CCDC73: variants seen among roughly 807,000 people sequenced by gnomAD.
The protein encoded by CCDC73 is coiled-coil domain containing 73.
In CCDC73, 95 loss-of-function variants were observed where a neutral mutation model predicts 116.5. The observed-to-expected ratio is 0.82, with a 90% CI of 0.69 to 0.97. The LOEUF (loss-of-function observed/expected upper bound fraction) is 0.97. Among genes scored for constraint, CCDC73 ranks in the 50% least tolerant of loss-of-function variants. The pLI, the probability that CCDC73 is intolerant of heterozygous loss-of-function variation, is 0.00. For synonymous variants in CCDC73, 398 were observed against 401.3 expected, an observed-to-expected ratio of 0.99 and a Z score of 0.10; for missense variants, 1,066 against 1,206.8, an observed-to-expected ratio of 0.88 and a Z score of 1.73.
intron 2 of CCDC73, among the ~76,000 whole-genome samples, chr11:32,724,190 C>A (rs1225611031): frequency 1.3e-5 from 2 of 151,830 alleles, no homozygotes; most frequent in Non-Finnish European, 2.9e-5. Context: ...CATTAATTAC[C>A]CAGTTTTCCC....
At chr11:32,753,572 C>T (rs1042297547) in intron 2 of CCDC73, among the ~76,000 whole-genome samples, 1 of 152,114 alleles carries the variant, frequency 6.6e-6, no homozygotes, top group African/African-American at 2.4e-5. Context: ...TCAAGTGATT[C>T]TTCTGCCTCA....
At chr11:32,753,342 G>C (rs1044679630) in intron 2 of CCDC73, among the ~76,000 whole-genome samples, 57 of 147,074 alleles carry the variant, frequency 3.9e-4, no homozygotes, top group African/African-American at 1.3e-3. Flanking sequence ...GTGTCACCCA[G>C]GCTGCAGTGC....
chr11:32,675,700 A>G, intron 8 of CCDC73, 56 bp from the exon 9 acceptor site: 1 of 1,385,560 alleles, frequency 7.2e-7, no homozygotes, highest in East Asian at 2.3e-5. Flanking sequence ...TTTCAAAGAA[A>G]GTATCATTAA....
At chr11:32,664,693 T>C (rs919554759) in intron 9 of CCDC73, among the ~76,000 whole-genome samples, 1 of 152,236 alleles carries the variant, frequency 6.6e-6, no homozygotes, top group Admixed American at 6.5e-5. Flanking sequence ...GCTACAATCT[T>C]AGTTATTTCT....
At chr11:32,829,198 C>T in the CCDC73 span, among the ~76,000 whole-genome samples, 1 of 152,212 alleles carries the variant, frequency 6.6e-6, no homozygotes, top group Admixed American at 6.5e-5. Context: ...ATAAAATGTA[C>T]ATACTGATAA....
intron 2 of CCDC73, among the ~76,000 whole-genome samples, chr11:32,734,561 G>T (rs894805855): frequency 5.3e-5 from 8 of 151,946 alleles, no homozygotes; most frequent in African/African-American, 1.9e-4. Context: ...CCTAGGCAGA[G>T]GACCCTGCAG....
At chr11:32,771,547 T>C (rs1332063253) in intron 1 of CCDC73, among the ~76,000 whole-genome samples, 2 of 152,184 alleles carry the variant, frequency 1.3e-5, no homozygotes, top group African/African-American at 2.4e-5. Context: ...CCACTGTGTA[T>C]TGAATGTGTA....
intron 16 of CCDC73, 128 bp downstream of exon 16, chr11:32,613,294 A>G: frequency 1.3e-6 from 1 of 770,878 alleles, no homozygotes; most frequent in South Asian, 2.1e-5. Flanking sequence ...ACAAAAGAAT[A>G]TTAAGTTGTT....
chr11:32,614,491 C>A lies in CCDC73; in HGVS notation c.1827G>T (p.Gly609=). 6.2e-7 allele frequency: 1 copy of A among 1,613,072 alleles called. No homozygotes were observed. The highest frequency in any genetic ancestry group is 8.5e-7 in the Non-Finnish European group (1 of 1,179,432). The change falls in exon 16 of 18, where the codon GGG becomes GGT. Residue 609 remains glycine, a synonymous_variant. Coordinates refer to ENST00000335185, the MANE Select transcript of CCDC73 (RefSeq NM_001008391.4). ...EPFKQFRLLP[G]TREHALEKEI... The stretch of plus-strand genomic sequence containing the variant: ...CCTTCTCTAGAGCATGTTCTCGAGT[C>A]CCTGGAAGCAATCTGAATTGTTTGA...
intron 7 of CCDC73, among the ~76,000 whole-genome samples, chr11:32,677,955 C>CAAAAAAA (rs34907847): frequency 3.1e-5 from 2 of 64,264 alleles, no homozygotes; most frequent in Non-Finnish European, 5.4e-5. Context: ...GATTCCATCT[C>CAAAAAAA]AAAAAAAAAA....
chr11:32,707,000 TTGAAGATCTCCA>T (rs1849861187), intron 3 of CCDC73, among the ~76,000 whole-genome samples: 1 of 152,140 alleles, frequency 6.6e-6, no homozygotes, highest in Non-Finnish European at 1.5e-5. Flanking sequence ...TCAAACCAAA[TTGAAGATCTCCA>T]TGAAGTAGCA....
intron 2 of CCDC73, among the ~76,000 whole-genome samples, chr11:32,746,060 G>A (rs995495680): frequency 6.6e-6 from 1 of 152,194 alleles, no homozygotes; most frequent in African/African-American, 2.4e-5. Context: ...GCAGGGACTA[G>A]TACCGTTTGT....
At chr11:32,672,732 A>C (rs889347148) in intron 9 of CCDC73, among the ~76,000 whole-genome samples, 1 of 152,188 alleles carries the variant, frequency 6.6e-6, no homozygotes, top group Non-Finnish European at 1.5e-5. Flanking sequence ...AGCCACCTCT[A>C]ATTTTCGAGG....
intron 17 of CCDC73, 55 bp downstream of exon 17, chr11:32,611,075 CAT>C: frequency 2.6e-6 from 4 of 1,546,010 alleles, no homozygotes; most frequent in Non-Finnish European, 3.6e-6. Flanking sequence ...CAGTTCTACA[CAT>C]ATCTGTAGAA....
At chr11:32,703,047 C>A in intron 3 of CCDC73, 103 bp from the exon 4 acceptor site, 1 of 792,162 alleles carries the variant, frequency 1.3e-6, no homozygotes. Context: ...ATACCTTCTA[C>A]ATATATTATT....
In CCDC73 at chr11:32,614,196, G is replaced by T; in HGVS notation, c.2122C>A (p.His708Asn). The change falls in exon 16 of 18, where the codon CAC becomes AAC. Residue 708 changes from histidine to asparagine, a missense_variant. Coordinates refer to ENST00000335185, the MANE Select transcript of CCDC73 (RefSeq NM_001008391.4). ...CTAAAAGCAGCATATGAAACATGGT[G>T]GTCGATTACTATATCACAGGGAACA... ...LTVPCDIVIDHHVSYAAFSAN... is the reference protein window; with the variant it reads ...LTVPCDIVIDNHVSYAAFSAN... 1 of 1,613,832 alleles carries T rather than the reference G, an allele frequency of 6.2e-7. No individual in the cohort carries two copies. The highest frequency in any genetic ancestry group is 1.1e-5 in the South Asian group (1 of 91,072).
At chr11:32,681,119 A>G (rs1226665378) in intron 7 of CCDC73, 2 of 152,012 alleles carry the variant, frequency 1.3e-5, no homozygotes, top group African/African-American at 4.8e-5. Context: ...CTTTAACTTC[A>G]TAAAGAAAAA....
At chr11:32,743,110 T>G (rs1238108538) in intron 2 of CCDC73, among the ~76,000 whole-genome samples, 2 of 152,222 alleles carry the variant, frequency 1.3e-5, no homozygotes, top group Non-Finnish European at 2.9e-5. Flanking sequence ...GCTTTGTTCT[T>G]CTTGCCCAGG....
intron 17 of CCDC73, among the ~76,000 whole-genome samples, chr11:32,610,905 A>G (rs1042487259): frequency 4.0e-5 from 6 of 151,744 alleles, no homozygotes; most frequent in Admixed American, 3.9e-4. Context: ...GATGCCTCAC[A>G]CTCTCCTTCC....
Sources: allele counts gnomAD v4.1 joint callset (sites outside exome capture counted in the v4.1 genomes callset), GRCh38; gene constraint gnomAD v4.1.1; transcripts MANE v1.5; gene names NCBI Gene and HGNC (gene_info 2026-07-23, HGNC 2026-07-21).